Variants in KATNIP observed in about 807,000 individuals in gnomAD.
KATNIP encodes the protein katanin-interacting protein.
Under a neutral mutation model 174.0 loss-of-function variants are expected in KATNIP, and 126 were observed. That is an observed-to-expected ratio of 0.72 (90% CI 0.63 to 0.84). KATNIP has a LOEUF of 0.84. Among genes scored for constraint, KATNIP ranks in the 40% least tolerant of loss-of-function variants. KATNIP has a pLI of 0.00. For synonymous variants in KATNIP, 810 were observed against 835.7 expected, an observed-to-expected ratio of 0.97 and a Z score of 0.53; for missense variants, 1,958 against 2,109.7, an observed-to-expected ratio of 0.93 and a Z score of 1.41.
At chr16:27,712,964 C>G (rs1274743871) in intron 13 of KATNIP, among the ~76,000 whole-genome samples, 1 of 152,062 alleles carries the variant, frequency 6.6e-6, no homozygotes, top group Non-Finnish European at 1.5e-5. Flanking sequence ...CACTACCACA[C>G]TTGGTTAATT....
At chr16:27,562,766 T>G (rs2089937127) in intron 1 of KATNIP, among the ~76,000 whole-genome samples, 1 of 152,198 alleles carries the variant, frequency 6.6e-6, no homozygotes, top group Non-Finnish European at 1.5e-5. Flanking sequence ...AGCCGCTGAT[T>G]AGATTACAGA....
intron 1 of KATNIP, among the ~76,000 whole-genome samples, chr16:27,563,673 C>G (rs1404179919): frequency 6.6e-6 from 1 of 151,878 alleles, no homozygotes; most frequent in African/African-American, 2.4e-5. Context: ...TTCAGGCAGG[C>G]AAGTGGTAGG....
chr16:27,723,344 C>T lies in KATNIP; in HGVS notation c.1743+1649C>T, dbSNP rs544941588. On this transcript the variant is annotated intron_variant, in intron 14 of 27. Coordinates refer to ENST00000261588, the MANE Select transcript of KATNIP (RefSeq NM_015202.5). ...TGCAGGCTGCCCTGGCTTTCCATCCCGTGAACATAGCAGTGATCCCTTTAT... is the reference window on the plus strand; with the variant it reads ...TGCAGGCTGCCCTGGCTTTCCATCCTGTGAACATAGCAGTGATCCCTTTAT... Among the ~76,000 whole-genome samples the T allele has an allele frequency of 3.3e-5, 5 of 152,152 alleles. No homozygotes were observed. The East Asian group carries it at 7.8e-4, about 24-fold the overall frequency.
chr16:27,746,994 T>C (rs1237463425), intron 15 of KATNIP, among the ~76,000 whole-genome samples: 1 of 152,128 alleles, frequency 6.6e-6, no homozygotes, highest in Non-Finnish European at 1.5e-5. Context: ...CAAGAGGTCA[T>C]TGGAATTGAA....
chr16:27,563,891 TAAAAAAAAAA>T (rs58505514), intron 1 of KATNIP, among the ~76,000 whole-genome samples: 1 of 66,710 alleles, frequency 1.5e-5, no homozygotes, highest in Non-Finnish European at 2.5e-5. Context: ...TCTAGTAAAT[TAAAAAAAAAA>T]AAAAAAAAAA....
chr16:27,778,044 G>A, intron 27 of KATNIP, 75 bp downstream of exon 27: 2 of 1,359,604 alleles, frequency 1.5e-6, no homozygotes, highest in Non-Finnish European at 2.1e-6. Flanking sequence ...TGGTGGCCTT[G>A]CACCCCCACC....
chr16:27,771,722 G>A, intron 22 of KATNIP, 70 bp downstream of exon 22: 2 of 1,528,896 alleles, frequency 1.3e-6, no homozygotes, highest in Non-Finnish European at 1.8e-6. Context: ...CAACTGCCCA[G>A]CCAGGGTTTC....
chr16:27,673,154 T>C (rs1597131192), intron 6 of KATNIP, among the ~76,000 whole-genome samples: 1 of 152,180 alleles, frequency 6.6e-6, no homozygotes, highest in Non-Finnish European at 1.5e-5. Flanking sequence ...TAAGAGCCAA[T>C]AGGCTATCTT....
At chr16:27,641,342 T>A (rs898642876) in intron 5 of KATNIP, among the ~76,000 whole-genome samples, 13 of 152,024 alleles carry the variant, frequency 8.6e-5, no homozygotes, top group Non-Finnish European at 1.5e-4. Context: ...CCCCATGTGG[T>A]ACCAAGACAA....
chr16:27,674,688 C>G (rs1170184412), intron 6 of KATNIP, among the ~76,000 whole-genome samples: 5 of 152,248 alleles, frequency 3.3e-5, no homozygotes, highest in Admixed American at 3.3e-4. Flanking sequence ...TTCAAGGTCC[C>G]TTTGCCCTGT....
chr16:27,685,717 A>G (rs185972019), intron 8 of KATNIP, among the ~76,000 whole-genome samples: 2 of 152,322 alleles, frequency 1.3e-5, no homozygotes, highest in Admixed American at 1.3e-4. Context: ...TGCTTATTCA[A>G]TATACTTGGC....
intron 6 of KATNIP, among the ~76,000 whole-genome samples, chr16:27,649,897 C>T (rs1319138731): frequency 6.6e-6 from 1 of 152,128 alleles, no homozygotes; most frequent in Non-Finnish European, 1.5e-5. Context: ...GACCTGGGGC[C>T]AGGCGCTGTG....
intron 13 of KATNIP, among the ~76,000 whole-genome samples, chr16:27,714,747 A>G (rs2079849593): frequency 6.6e-6 from 1 of 152,238 alleles, no homozygotes; most frequent in African/African-American, 2.4e-5. Flanking sequence ...ATATTTAACA[A>G]AAGAAGTACA....
At chr16:27,601,694 G>A (rs2075531695) in intron 2 of KATNIP, among the ~76,000 whole-genome samples, 1 of 152,014 alleles carries the variant, frequency 6.6e-6, no homozygotes, top group African/African-American at 2.4e-5. Flanking sequence ...GGAGGGTGGC[G>A]AGGCCAGATT....
At position 27,677,048 on chromosome 16, in the gene KATNIP, T is replaced by G. The variant is rs1157717597; in HGVS notation, c.541-681T>G. 2.6e-5 allele frequency among the ~76,000 whole-genome samples: 4 copies of G among 152,206 alleles called. No homozygotes were observed. The East Asian group carries it at 7.7e-4, about 29-fold the overall frequency. Reference sequence around the variant, plus strand: ...GAAATGTCTTGGTTTGGGTGATTCATGTCCTGGTCACTCTAAATATAGATC... The same window carrying G: ...GAAATGTCTTGGTTTGGGTGATTCAGGTCCTGGTCACTCTAAATATAGATC... On this transcript the variant is annotated intron_variant, in intron 6 of 27. Coordinates refer to ENST00000261588, the MANE Select transcript of KATNIP (RefSeq NM_015202.5).
chr16:27,596,674 G>A (rs956710784), intron 2 of KATNIP, among the ~76,000 whole-genome samples: 15 of 152,192 alleles, frequency 9.9e-5, no homozygotes, highest in African/African-American at 3.4e-4. Flanking sequence ...TTACTTGCCC[G>A]AGCCCAGGAG....
chr16:27,678,161 C>T (rs942726586), intron 7 of KATNIP, among the ~76,000 whole-genome samples, 165 bp downstream of exon 7: 2 of 152,154 alleles, frequency 1.3e-5, no homozygotes, highest in Non-Finnish European at 1.5e-5. Context: ...GCAGAGCTTC[C>T]CAAAGGCTTC....
intron 3 of KATNIP, chr16:27,628,452 A>C: frequency 1.8e-6 from 1 of 552,926 alleles, no homozygotes. Flanking sequence ...ACTTCCCTGT[A>C]GGGCCCCAAA....
At chr16:27,723,552 T>C (rs1022565331) in intron 14 of KATNIP, among the ~76,000 whole-genome samples, 8 of 152,066 alleles carry the variant, frequency 5.3e-5, no homozygotes, top group African/African-American at 1.5e-4. Context: ...TTATGGCTAC[T>C]TTCCCAGGCC....
Sources: allele counts gnomAD v4.1 joint callset (sites outside exome capture counted in the v4.1 genomes callset), GRCh38; gene constraint gnomAD v4.1.1; transcripts MANE v1.5; gene names NCBI Gene and HGNC (gene_info 2026-07-23, HGNC 2026-07-21).